The following AMD1 variants were observed in gnomAD, a reference collection of about 807,000 sequenced individuals.
The protein encoded by AMD1 is adenosylmethionine decarboxylase 1.
In AMD1, 11 loss-of-function variants were observed where a neutral mutation model predicts 40.2. The observed-to-expected ratio is 0.27, with a 90% CI of 0.17 to 0.45. AMD1 has a LOEUF of 0.45. AMD1 is among the 20% of genes least tolerant of loss of function. The pLI is 1.00. For synonymous variants in AMD1, 121 were observed against 130.8 expected, an observed-to-expected ratio of 0.93 and a Z score of 0.51; for missense variants, 257 against 410.2, an observed-to-expected ratio of 0.63 and a Z score of 3.23.
chr6:110,869,433 A>G, the AMD1 span, among the ~76,000 whole-genome samples: 2 of 151,530 alleles, frequency 1.3e-5, no homozygotes, highest in Non-Finnish European at 2.9e-5. Context: ...CGCCCAGCCC[A>G]TTACTTTAGC....
chr6:110,883,612 G>A (rs1785521082), intron 1 of AMD1, among the ~76,000 whole-genome samples: 2 of 152,198 alleles, frequency 1.3e-5, no homozygotes, highest in Admixed American at 1.3e-4. Flanking sequence ...TTGTTTTTGA[G>A]ACAGAGTCTT....
chr6:110,885,359 C>T (rs1352479136), intron 1 of AMD1, among the ~76,000 whole-genome samples: 4 of 152,142 alleles, frequency 2.6e-5, no homozygotes, highest in South Asian at 4.1e-4. Flanking sequence ...GTGATCCATG[C>T]GCCTCGGCTG....
chr6:110,875,362 G>A, intron 1 of AMD1, 147 bp downstream of exon 1: 2 of 687,110 alleles, frequency 2.9e-6, no homozygotes, highest in East Asian at 5.5e-5. Context: ...CTTGGAAGGT[G>A]CGCGGTTTGG....
At chr6:110,891,535 T>G (rs1387289299) in intron 4 of AMD1, 2 of 153,672 alleles carry the variant, frequency 1.3e-5, no homozygotes, top group African/African-American at 4.8e-5. Context: ...GATAACATCC[T>G]TACTTCCTAG....
chr6:110,814,753 C>T, the AMD1 span: 1 of 645,360 alleles, frequency 1.5e-6, no homozygotes, highest in Admixed American at 2.1e-5. Flanking sequence ...TCCGAGCACT[C>T]GGAGGGCGCC....
chr6:110,851,059 G>A, the AMD1 span, among the ~76,000 whole-genome samples: 13,349 of 152,072 alleles, frequency 0.088, 863 homozygotes, highest in East Asian at 0.26. Context: ...CACCTCCCGG[G>A]TTCAAGCAAT....
At chr6:110,867,351 T>G in the AMD1 span, among the ~76,000 whole-genome samples, 1 of 152,086 alleles carries the variant, frequency 6.6e-6, no homozygotes, top group South Asian at 2.1e-4. Context: ...AGAATAAGTA[T>G]AGTTGAGATT....
the AMD1 span, among the ~76,000 whole-genome samples, chr6:110,861,422 G>A: frequency 6.6e-6 from 1 of 151,668 alleles, no homozygotes; most frequent in Non-Finnish European, 1.5e-5. Flanking sequence ...TACTCAGGAG[G>A]CTGAGGTGGG....
chr6:110,838,030 C>A, the AMD1 span, among the ~76,000 whole-genome samples: 1 of 147,912 alleles, frequency 6.8e-6, no homozygotes, highest in Non-Finnish European at 1.5e-5. Flanking sequence ...TCATTGCACT[C>A]CAAACCTGGG....
chr6:110,850,053 G>A, the AMD1 span, among the ~76,000 whole-genome samples: 1 of 151,318 alleles, frequency 6.6e-6, no homozygotes, highest in African/African-American at 2.4e-5. Flanking sequence ...AAATGACAGG[G>A]AGTTGAACTC....
At chr6:110,862,836 T>G in the AMD1 span, among the ~76,000 whole-genome samples, 1 of 152,178 alleles carries the variant, frequency 6.6e-6, no homozygotes, top group Non-Finnish European at 1.5e-5. Context: ...CTGACATTAG[T>G]ATTTAAGCTT....
the AMD1 span, among the ~76,000 whole-genome samples, chr6:110,826,885 T>A: frequency 1.3e-5 from 2 of 151,774 alleles, no homozygotes; most frequent in African/African-American, 4.8e-5. Context: ...AGCGACAGGG[T>A]TTCACCATAT....
Position 110,892,427 on chromosome 6 carries a change from C to T in AMD1, c.599C>T (p.Ala200Val). The change falls in exon 6 of 9, where the codon GCA becomes GTA. Residue 200 changes from alanine to valine, a missense_variant. By Grantham distance (64) the Ala-to-Val change is moderately conservative. Around this residue, in one of 3 missense-constraint regions of AMD1, gnomAD observed 192 missense variants for 296.5 expected, o/e 0.65. Coordinates refer to ENST00000368885, the MANE Select transcript of AMD1 (RefSeq NM_001634.6). ...TTCTACATGAAAGATGGTGTTACTG[C>T]AAAGGATGTCACTCGTGTAAGCATT... is the stretch of plus-strand genomic sequence containing the variant. ...DQFYMKDGVT[A>V]KDVTRESGIR... 1 of 1,612,224 alleles carries T rather than the reference C, an allele frequency of 6.2e-7. No homozygotes were observed. Among genetic ancestry groups the T allele is most frequent in the Non-Finnish European group, 8.5e-7 (1 of 1,180,022 alleles).
upstream of AMD1, among the ~76,000 whole-genome samples, chr6:110,874,508 C>T (rs1784987275): frequency 6.6e-6 from 1 of 152,172 alleles, no homozygotes; most frequent in Non-Finnish European, 1.5e-5. Flanking sequence ...TCCGTTCCCG[C>T]TCTCCCCACC....
At chr6:110,879,359 G>A (rs1277421093) in intron 1 of AMD1, among the ~76,000 whole-genome samples, 2 of 152,094 alleles carry the variant, frequency 1.3e-5, no homozygotes, top group Admixed American at 6.6e-5. Flanking sequence ...CAACAACAAC[G>A]AAAATATTTC....
chr6:110,862,170 C>T, the AMD1 span, among the ~76,000 whole-genome samples: 2 of 151,298 alleles, frequency 1.3e-5, no homozygotes, highest in Non-Finnish European at 1.5e-5. Context: ...CACCATACTT[C>T]GCTAATTTTT....
chr6:110,886,711 C>G (rs537131201), intron 1 of AMD1, among the ~76,000 whole-genome samples: 1 of 152,062 alleles, frequency 6.6e-6, no homozygotes, highest in Non-Finnish European at 1.5e-5. Flanking sequence ...AGGTCAAGGC[C>G]GAAGTGAGCT....
chr6:110,833,451 A>G, the AMD1 span, among the ~76,000 whole-genome samples: 1 of 152,206 alleles, frequency 6.6e-6, no homozygotes, highest in South Asian at 2.1e-4. Flanking sequence ...GAGCCAGTTA[A>G]ACTGAAATGG....
At chr6:110,844,360 G>C in the AMD1 span, among the ~76,000 whole-genome samples, 2 of 151,076 alleles carry the variant, frequency 1.3e-5, no homozygotes, top group Admixed American at 1.3e-4. Flanking sequence ...GTTTTGTCAT[G>C]TTGGTCTCGC....
Sources: gnomAD v4.1 joint callset for allele counts (sites outside exome capture counted in the v4.1 genomes callset) on GRCh38, gnomAD v4.1.1 for gene constraint, gnomAD v4.1.1 regional missense constraint, MANE v1.5 for transcripts, NCBI Gene and HGNC (gene_info 2026-07-23, HGNC 2026-07-21) for gene names.